Variants in SEMA6D observed in about 807,000 individuals in gnomAD.
The protein encoded by SEMA6D is semaphorin 6D.
In SEMA6D, 35 loss-of-function variants were observed where a neutral mutation model predicts 106.6. The ratio of observed to expected loss-of-function variants is 0.33; its 90% CI spans 0.25 to 0.44. The LOEUF (loss-of-function observed/expected upper bound fraction) is 0.44, where lower values mean the gene tolerates loss of function less well. Ranked by LOEUF, SEMA6D falls within the 20% of genes least tolerant of loss-of-function variation. The pLI is 1.00. For synonymous variants in SEMA6D, 499 were observed against 487.7 expected (o/e 1.02, Z -0.31); for missense variants, 1,185 against 1,345.9 (o/e 0.88, Z 1.87).
chr15:47,730,307 T>C lies in SEMA6D; in HGVS notation c.-55+12615T>C, dbSNP rs1033496909. The C allele has an allele frequency of 6.6e-6, 10 of 1,522,398 alleles. No homozygotes were observed. The African/African-American group carries it at 1.2e-4, about 19-fold the overall frequency. 94.3% of individuals were successfully genotyped at this position (1,522,398 alleles called of 1,614,324 possible). A position where few individuals can be genotyped will look rare whatever the true frequency, so the allele number is the denominator to read the frequency against. ...TTCCACCAGCTTAGCCAAAGCGCCT[T>C]TGTCTTCCGAGTTCACCTGTGTGAA... On this transcript the variant is annotated intron_variant, in intron 1 of 18. Coordinates refer to ENST00000536845, the MANE Select transcript of SEMA6D (RefSeq NM_001358351.3).
At chr15:47,629,342 T>A (rs12910730) in intron 4 of SEMA6D, among the ~76,000 whole-genome samples, 12,174 of 152,084 alleles carry the variant, frequency 0.08, 711 homozygotes, top group Non-Finnish European at 0.12. Context: ...GGGAATTGCA[T>A]GAAACCAATA....
At position 47,723,406 on chromosome 15, in the gene SEMA6D, G is replaced by A. The variant is rs148808299; in HGVS notation, c.-55+5714G>A. ...TCCACCAAAAAGTGCTTCTGCGTCC[G>A]GGTGTGATTGACATTCATTTCCCTG... On this transcript the variant is annotated intron_variant, in intron 1 of 18. Coordinates refer to ENST00000536845, the MANE Select transcript of SEMA6D (RefSeq NM_001358351.3). Among the ~76,000 whole-genome samples the A allele has an allele frequency of 4.6e-5, 7 of 152,202 alleles. No homozygotes were observed. The East Asian group carries it at 7.7e-4, about 17-fold the overall frequency.
At chr15:47,202,405 G>A (rs779812148) in intron 1 of SEMA6D, among the ~76,000 whole-genome samples, 19 of 151,986 alleles carry the variant, frequency 1.3e-4, no homozygotes, top group Non-Finnish European at 2.2e-4. Context: ...CTGGTGTATG[G>A]CCTTCCAGGG....
chr15:47,366,665 G>T (rs995178616), intron 1 of SEMA6D, among the ~76,000 whole-genome samples: 5 of 152,132 alleles, frequency 3.3e-5, no homozygotes, highest in Non-Finnish European at 5.9e-5. Flanking sequence ...ATTACATGGA[G>T]TGAATGAAGA....
At chr15:47,692,171 A>G (rs975431297) in intron 4 of SEMA6D, among the ~76,000 whole-genome samples, 4 of 152,134 alleles carry the variant, frequency 2.6e-5, no homozygotes, top group Non-Finnish European at 5.9e-5. Context: ...TAGGAGGCTT[A>G]TATGCATATT....
In SEMA6D at chr15:47,411,423, C is replaced by A. The variant is rs139104561; in HGVS notation, c.-238-970C>A. Among the ~76,000 whole-genome samples the A allele has an allele frequency of 3.5e-3, 529 of 152,032 alleles. 2 individuals carry two copies. The highest frequency in any genetic ancestry group is 0.012 in the African/African-American group (508 of 41,478). On this transcript the variant is annotated intron_variant, in intron 1 of 19. Transcript: ENST00000558014. ...TGCATGCCTGCCATTGAAGAACTAC[C>A]CCTATAGTTCTGCTTCATTTTATTG...
chr15:47,385,087 C>T lies in SEMA6D; in HGVS notation c.-238-27306C>T, dbSNP rs1244748875. 4.5e-5 allele frequency among the ~76,000 whole-genome samples: 6 copies of T among 134,534 alleles called. No homozygotes were observed. In the East Asian group the frequency reaches 8.1e-4, roughly 18 times the overall value. The allele number at this position is 134,534 out of a possible 152,430, so 88.3% of individuals were successfully genotyped here. On this transcript the variant is annotated intron_variant, in intron 1 of 19. Transcript: ENST00000558014. ...TTTTACCATAGAACTCATAAGGCAG[C>T]GTTCTGACTCATTATATACAACAGT... is the stretch of plus-strand genomic sequence containing the variant.
intron 3 of SEMA6D, among the ~76,000 whole-genome samples, chr15:47,580,525 A>G (rs975415226): frequency 6.6e-6 from 1 of 152,054 alleles, no homozygotes; most frequent in African/African-American, 2.4e-5. Context: ...TTATTCTATT[A>G]CCTCTCACTC....
chr15:47,333,172 G>T (rs1311182849), intron 1 of SEMA6D, among the ~76,000 whole-genome samples: 1 of 152,058 alleles, frequency 6.6e-6, no homozygotes, highest in Non-Finnish European at 1.5e-5. Flanking sequence ...TAAATTTCAC[G>T]ATTTAAAATG....
intron 3 of SEMA6D, among the ~76,000 whole-genome samples, chr15:47,558,366 T>A (rs188250986): frequency 3.5e-4 from 54 of 152,158 alleles, no homozygotes; most frequent in African/African-American, 1.2e-3. Flanking sequence ...CTGATGCTCA[T>A]ATTTAATAGC....
At chr15:47,386,721 A>G (rs1159266806) in intron 1 of SEMA6D, among the ~76,000 whole-genome samples, 1 of 152,164 alleles carries the variant, frequency 6.6e-6, no homozygotes, top group Non-Finnish European at 1.5e-5. Context: ...TCAGAGGGCA[A>G]TAGCTGGAGG....
At chr15:47,586,599 C>T (rs2076344624) in intron 3 of SEMA6D, among the ~76,000 whole-genome samples, 1 of 152,074 alleles carries the variant, frequency 6.6e-6, no homozygotes, top group Non-Finnish European at 1.5e-5. Flanking sequence ...GGTCTCATAT[C>T]CTATCATTAT....
chr15:47,258,311 A>G (rs900278094), intron 1 of SEMA6D, among the ~76,000 whole-genome samples: 3 of 152,196 alleles, frequency 2.0e-5, no homozygotes, highest in African/African-American at 7.2e-5. Context: ...TTATGTGTCA[A>G]TTTGACTGAA....
chr15:47,298,596 C>G (rs977551806), intron 1 of SEMA6D, among the ~76,000 whole-genome samples: 2 of 152,050 alleles, frequency 1.3e-5, no homozygotes, highest in African/African-American at 4.8e-5. Flanking sequence ...GTAAAATGAC[C>G]CATTACGTCT....
intron 18 of SEMA6D, 141 bp downstream of exon 18, chr15:47,768,889 C>T: frequency 1.5e-6 from 1 of 672,456 alleles, no homozygotes; most frequent in Non-Finnish European, 2.4e-6. Context: ...CACAGTCTCT[C>T]TGGCTTTCTG....
At chr15:47,338,099 C>T (rs574921155) in intron 1 of SEMA6D, among the ~76,000 whole-genome samples, 1 of 152,308 alleles carries the variant, frequency 6.6e-6, no homozygotes, top group East Asian at 1.9e-4. Context: ...GGAGAAGGCA[C>T]TTGCTAGAGT....
intron 2 of SEMA6D, among the ~76,000 whole-genome samples, chr15:47,436,050 A>G (rs1037798946): frequency 1.1e-4 from 16 of 152,108 alleles, no homozygotes; most frequent in African/African-American, 3.6e-4. Context: ...GAATGACTCT[A>G]TGGAGGAAAG....
intron 1 of SEMA6D, among the ~76,000 whole-genome samples, chr15:47,285,582 C>T (rs1321168445): frequency 6.6e-6 from 1 of 152,134 alleles, no homozygotes; most frequent in African/African-American, 2.4e-5. Context: ...CATCTGCATC[C>T]AGTCTGCTAT....
chr15:47,550,482 T>C (rs1227767298), intron 3 of SEMA6D, among the ~76,000 whole-genome samples: 2 of 152,176 alleles, frequency 1.3e-5, no homozygotes, highest in Non-Finnish European at 2.9e-5. Flanking sequence ...CAACACCTTT[T>C]TGTAGGATAC....
Sources: gnomAD v4.1 joint callset for allele counts (sites outside exome capture counted in the v4.1 genomes callset) on GRCh38, gnomAD v4.1.1 for gene constraint, MANE v1.5 for transcripts, NCBI Gene and HGNC (gene_info 2026-07-23, HGNC 2026-07-21) for gene names.